The following BNC2 variants were observed in gnomAD, a reference collection of about 807,000 sequenced individuals.
BNC2 encodes zinc finger protein basonuclin-2.
BNC2 carries 20 observed loss-of-function variants against 76.3 expected under a neutral mutation model. The observed-to-expected ratio is 0.26, with a 90% CI of 0.18 to 0.38. The LOEUF is 0.38. BNC2 is among the 10% of genes least tolerant of loss of function. The probability of loss-of-function intolerance (pLI) is 1.00; values close to 1 mark genes in which losing one functional copy is unlikely to be tolerated. For synonymous variants in BNC2, 582 were observed against 514.8 expected (o/e 1.13, Z -1.77); for missense variants, 1,382 against 1,399.8 (o/e 0.99, Z 0.20).
intron 3 of BNC2, among the ~76,000 whole-genome samples, chr9:16,594,467 C>T (rs747741205): frequency 6.6e-6 from 1 of 152,120 alleles, no homozygotes; most frequent in Admixed American, 6.5e-5. Context: ...GTAATCAATC[C>T]ATTTCCTAAG....
At chr9:16,681,661 C>T (rs187687058) in intron 3 of BNC2, among the ~76,000 whole-genome samples, 1 of 152,120 alleles carries the variant, frequency 6.6e-6, no homozygotes, top group South Asian at 2.1e-4. Context: ...TCCCTTCCCC[C>T]ACTAAATTTA....
At chr9:16,435,272 A>G (rs1820982456) in intron 6 of BNC2, among the ~76,000 whole-genome samples, 3 of 152,222 alleles carry the variant, frequency 2.0e-5, no homozygotes, top group Admixed American at 2.0e-4. Context: ...ATTCACACCT[A>G]GATGCATGAA....
intron 3 of BNC2, among the ~76,000 whole-genome samples, chr9:16,600,726 G>C (rs574886640): frequency 1.8e-4 from 27 of 152,186 alleles, no homozygotes; most frequent in African/African-American, 6.5e-4. Flanking sequence ...AATGATGCGG[G>C]GGTGCGGCGG....
At chr9:16,595,542 C>G (rs1051870784) in intron 3 of BNC2, among the ~76,000 whole-genome samples, 2 of 152,042 alleles carry the variant, frequency 1.3e-5, no homozygotes, top group African/African-American at 4.8e-5. Context: ...TCAGGTAATA[C>G]ATTTTTAAAA....
chr9:16,684,338 G>C (rs747869595), intron 3 of BNC2, among the ~76,000 whole-genome samples: 1 of 152,138 alleles, frequency 6.6e-6, no homozygotes, highest in Non-Finnish European at 1.5e-5. Context: ...GGAAATACAT[G>C]ATCGTGTCTC....
intron 3 of BNC2, among the ~76,000 whole-genome samples, chr9:16,604,217 G>C (rs2133339308): frequency 6.6e-6 from 1 of 152,166 alleles, no homozygotes; most frequent in East Asian, 1.9e-4. Context: ...ATCTTAATTA[G>C]AACCTCTTTC....
At chr9:16,856,244 T>C (rs1353163724) in intron 1 of BNC2, among the ~76,000 whole-genome samples, 4 of 148,550 alleles carry the variant, frequency 2.7e-5, no homozygotes, top group African/African-American at 9.8e-5. Flanking sequence ...CAGTTTCTCA[T>C]CCATATTTCT....
At chr9:16,573,138 G>C (rs12343306) in intron 4 of BNC2, among the ~76,000 whole-genome samples, 1 of 150,798 alleles carries the variant, frequency 6.6e-6, no homozygotes, top group South Asian at 2.1e-4. Context: ...TGAGGTGGGA[G>C]GATTGCTTGA....
chr9:16,444,216 T>C (rs1055835102), intron 5 of BNC2, among the ~76,000 whole-genome samples: 2 of 152,084 alleles, frequency 1.3e-5, no homozygotes, highest in Non-Finnish European at 2.9e-5. Context: ...TAAAGGTGAT[T>C]TTTTGCTAGT....
intron 1 of BNC2, among the ~76,000 whole-genome samples, chr9:16,831,630 C>A (rs907640152): frequency 2.6e-5 from 4 of 152,076 alleles, no homozygotes; most frequent in Non-Finnish European, 5.9e-5. Flanking sequence ...TGAAATTAAA[C>A]CTGGAGTCAG....
chr9:16,833,753 A>G (rs1178637830), intron 1 of BNC2, among the ~76,000 whole-genome samples: 1 of 152,200 alleles, frequency 6.6e-6, no homozygotes, highest in Non-Finnish European at 1.5e-5. Flanking sequence ...AAGCCCTTCA[A>G]GAAAATCATG....
At chr9:16,444,796 A>G (rs1821198205) in intron 5 of BNC2, among the ~76,000 whole-genome samples, 1 of 152,112 alleles carries the variant, frequency 6.6e-6, no homozygotes, top group Admixed American at 6.6e-5. Context: ...TTCTCCCGCT[A>G]TTTACCTGTT....
At chr9:16,602,146 T>G (rs1820260357) in intron 3 of BNC2, among the ~76,000 whole-genome samples, 1 of 152,180 alleles carries the variant, frequency 6.6e-6, no homozygotes, top group African/African-American at 2.4e-5. Flanking sequence ...TTTGCCTAAT[T>G]TATGGTAATT....
intron 6 of BNC2, among the ~76,000 whole-genome samples, chr9:16,428,162 G>C: frequency 6.6e-6 from 1 of 152,038 alleles, no homozygotes; most frequent in African/African-American, 2.4e-5. Flanking sequence ...GAACAAAAGT[G>C]CTCTCTCTCT....
At chr9:16,507,585 T>A (rs1013438625) in intron 5 of BNC2, among the ~76,000 whole-genome samples, 2 of 152,118 alleles carry the variant, frequency 1.3e-5, no homozygotes, top group Non-Finnish European at 2.9e-5. Flanking sequence ...CGCACCACCA[T>A]GCCTGGCTAA....
At chr9:16,432,207 A>G (rs1175662396) in intron 6 of BNC2, among the ~76,000 whole-genome samples, 1 of 152,224 alleles carries the variant, frequency 6.6e-6, no homozygotes, top group Non-Finnish European at 1.5e-5. Flanking sequence ...TTACAACTAT[A>G]TAGAAAAGAA....
chr9:16,820,473 C>T (rs1176199776), intron 1 of BNC2, among the ~76,000 whole-genome samples: 1 of 151,794 alleles, frequency 6.6e-6, no homozygotes, highest in African/African-American at 2.4e-5. Flanking sequence ...AAGGTTTTGC[C>T]AAAGGTTATA....
At chr9:16,779,301 CA>C (rs71327858) in intron 1 of BNC2, among the ~76,000 whole-genome samples, 73,452 of 105,124 alleles carry the variant, frequency 0.7, 24,497 homozygotes, top group East Asian at 0.78. Flanking sequence ...GACCCTCTCT[CA>C]AAAAAAAAAA....
At chr9:16,778,061 C>T (rs1300627651) in intron 1 of BNC2, among the ~76,000 whole-genome samples, 2 of 152,130 alleles carry the variant, frequency 1.3e-5, no homozygotes, top group Non-Finnish European at 2.9e-5. Context: ...CTAGAATGGC[C>T]ACAGTAGGTG....
Sources: allele counts gnomAD v4.1 joint callset (sites outside exome capture counted in the v4.1 genomes callset), GRCh38; gene constraint gnomAD v4.1.1; transcripts MANE v1.5; gene names NCBI Gene and HGNC (gene_info 2026-07-23, HGNC 2026-07-21).